Variants in AHI1 observed in about 807,000 individuals in gnomAD.
AHI1 encodes Abelson helper integration site 1, also known as jouberin.
AHI1 carries 123 observed loss-of-function variants against 149.3 expected under a neutral mutation model. The observed-to-expected ratio is 0.82, with a 90% CI of 0.71 to 0.96. AHI1 has a LOEUF of 0.96. Ranked by LOEUF, AHI1 falls within the 40% of genes least tolerant of loss-of-function variation. AHI1 has a pLI of 0.00. For missense variants in AHI1, 1,439 were observed against 1,422.7 expected, an observed-to-expected ratio of 1.01 and a Z score of -0.18; for synonymous variants, 475 against 459.8, an observed-to-expected ratio of 1.03 and a Z score of -0.42.
chr6:135,358,226 C>T (rs1178106212), intron 23 of AHI1, 39 bp from the exon 24 acceptor site: 2 of 1,536,490 alleles, frequency 1.3e-6, no homozygotes, highest in Non-Finnish European at 1.8e-6. Flanking sequence ...GGTTATTAAG[C>T]CTGTCCATTT....
At chr6:135,389,848 C>A (rs1778214181) in intron 23 of AHI1, among the ~76,000 whole-genome samples, 1 of 152,158 alleles carries the variant, frequency 6.6e-6, no homozygotes, top group South Asian at 2.1e-4. Context: ...CTGCTAATTT[C>A]TCTCCCCTAC....
chr6:135,441,123 A>G (rs568274636), intron 14 of AHI1, among the ~76,000 whole-genome samples: 1 of 152,224 alleles, frequency 6.6e-6, no homozygotes, highest in East Asian at 1.9e-4. Flanking sequence ...GAGAGTATCA[A>G]TAAAGAAATA....
At chr6:135,476,952 A>G (rs1158777027) in intron 5 of AHI1, among the ~76,000 whole-genome samples, 1 of 151,566 alleles carries the variant, frequency 6.6e-6, no homozygotes, top group African/African-American at 2.4e-5. Flanking sequence ...CCACATTTAA[A>G]TTATTCTTGA....
At chr6:135,428,213 G>A (rs776921673) in intron 19 of AHI1, among the ~76,000 whole-genome samples, 12 of 151,592 alleles carry the variant, frequency 7.9e-5, no homozygotes, top group Non-Finnish European at 1.5e-4. Flanking sequence ...TTAAGTTTCA[G>A]ACATCAAAAC....
At chr6:135,393,009 A>G (rs1469105695) in intron 23 of AHI1, among the ~76,000 whole-genome samples, 1 of 152,204 alleles carries the variant, frequency 6.6e-6, no homozygotes, top group Non-Finnish European at 1.5e-5. Context: ...ATACGCCTTA[A>G]AATGAGGTTA....
intron 23 of AHI1, among the ~76,000 whole-genome samples, chr6:135,374,005 G>A (rs1166487744): frequency 6.7e-6 from 1 of 149,190 alleles, no homozygotes; most frequent in African/African-American, 2.5e-5. Context: ...CTGTGCCTAT[G>A]AAAACATGAG....
At chr6:135,469,628 C>A (rs1791375204) in intron 5 of AHI1, among the ~76,000 whole-genome samples, 1 of 152,024 alleles carries the variant, frequency 6.6e-6, no homozygotes, top group African/African-American at 2.4e-5. Context: ...GACATACAGA[C>A]CAATGGAACA....
intron 5 of AHI1, among the ~76,000 whole-genome samples, chr6:135,488,382 T>A (rs994846374): frequency 1.3e-5 from 2 of 152,190 alleles, no homozygotes; most frequent in Non-Finnish European, 2.9e-5. Context: ...CCCACTTCAC[T>A]GATTAGATTT....
intron 3 of AHI1, chr6:135,492,962 T>C (rs1795461824): frequency 1.0e-6 from 1 of 966,658 alleles, no homozygotes; most frequent in African/African-American, 1.9e-5. Context: ...TGCATGTTTT[T>C]GAGACTAAAA....
At chr6:135,333,541 TAAAG>T (rs1279480025) in intron 24 of AHI1, among the ~76,000 whole-genome samples, 2 of 152,132 alleles carry the variant, frequency 1.3e-5, no homozygotes, top group African/African-American at 2.4e-5. Flanking sequence ...AAAACAAAGA[TAAAG>T]AAAGTAAATA....
chr6:135,301,378 CAAAAT>C (rs1341104918), intron 26 of AHI1: 1 of 981,302 alleles, frequency 1.0e-6, no homozygotes, highest in East Asian at 1.1e-4. Context: ...AACATAAAAA[CAAAAT>C]GAAATGAAAG....
chr6:135,490,783 C>T (rs1046637075), intron 4 of AHI1, 36 bp from the exon 5 acceptor site: 3 of 1,607,240 alleles, frequency 1.9e-6, no homozygotes, highest in Middle Eastern at 3.3e-4. Flanking sequence ...TTGTAAATGA[C>T]TCTATCATAA....
At chr6:135,364,080 C>T (rs573746128) in intron 23 of AHI1, among the ~76,000 whole-genome samples, 2,837 of 150,514 alleles carry the variant, frequency 0.019, 59 homozygotes, top group African/African-American at 0.065. Context: ...CTGACCCCCC[C>T]ACCTCCCTCC....
At chr6:135,438,548 C>T (rs1785765835) in intron 14 of AHI1, 50 bp from the exon 15 acceptor site, 2 of 1,360,748 alleles carry the variant, frequency 1.5e-6, no homozygotes, top group African/African-American at 1.5e-5. Context: ...ATCCTTAATC[C>T]AATAATATAC....
chr6:135,361,852 T>C (rs190700558), intron 23 of AHI1, among the ~76,000 whole-genome samples: 169 of 152,314 alleles, frequency 1.1e-3, no homozygotes, highest in African/African-American at 3.8e-3. Flanking sequence ...TTTTATTTTT[T>C]ATTTCAATAG....
intron 24 of AHI1, among the ~76,000 whole-genome samples, chr6:135,333,704 G>A (rs1788943887): frequency 6.6e-6 from 1 of 152,110 alleles, no homozygotes. Flanking sequence ...ATGACTAAAG[G>A]TGTTGGAAAG....
At chr6:135,294,929 G>A (rs956983074) in intron 27 of AHI1, among the ~76,000 whole-genome samples, 19 of 151,844 alleles carry the variant, frequency 1.3e-4, no homozygotes, top group Admixed American at 1.0e-3. Context: ...TTTGGTAAAC[G>A]GAACTTCAAC....
chr6:135,487,342 T>G (rs1794629863), intron 5 of AHI1, among the ~76,000 whole-genome samples: 1 of 152,200 alleles, frequency 6.6e-6, no homozygotes, highest in South Asian at 2.1e-4. Context: ...TGACTTTTTC[T>G]TCCTAAGCTA....
At chr6:135,361,289 C>T (rs1411665824) in intron 23 of AHI1, among the ~76,000 whole-genome samples, 1 of 152,190 alleles carries the variant, frequency 6.6e-6, no homozygotes, top group East Asian at 1.9e-4. Flanking sequence ...ATAAACACCA[C>T]AATATATTGT....
Sources: allele counts gnomAD v4.1 joint callset (sites outside exome capture counted in the v4.1 genomes callset), GRCh38; gene constraint gnomAD v4.1.1; transcripts MANE v1.5; gene names NCBI Gene and HGNC (gene_info 2026-07-23, HGNC 2026-07-21).